Variants in EPHA6 observed in about 807,000 individuals in gnomAD.
The protein encoded by EPHA6 is ephrin type-A receptor 6.
In EPHA6, 50 loss-of-function variants were observed where a neutral mutation model predicts 112.0. The ratio of observed to expected loss-of-function variants is 0.45; its 90% confidence interval spans 0.36 to 0.56. EPHA6 has a LOEUF of 0.56. Among genes scored for constraint, EPHA6 ranks in the 20% least tolerant of loss-of-function variants. The probability of loss-of-function intolerance (pLI) is 0.00; values close to 1 mark genes in which losing one functional copy is unlikely to be tolerated. For synonymous variants in EPHA6, 529 were observed against 490.7 expected (o/e 1.08, Z -1.03); for missense variants, 1,280 against 1,417.4 (o/e 0.90, Z 1.56).
In EPHA6 at chr3:97,494,479, T is replaced by C. The variant is rs2091927467; in HGVS notation, c.2200+10420T>C. ...AATTTTGAGAACAAGAACTAGCCAA[T>C]TTACCTTCGTGAGCTGTAATTTCCC... On this transcript the variant is annotated intron_variant, in intron 10 of 17. Coordinates refer to ENST00000389672, the MANE Select transcript of EPHA6 (RefSeq NM_001080448.3). Among the ~76,000 whole-genome samples the C allele has an allele frequency of 2.0e-5, 3 of 152,282 alleles. No individual in the cohort carries two copies. The South Asian group carries it at 6.2e-4, about 32-fold the overall frequency.
intron 13 of EPHA6, among the ~76,000 whole-genome samples, chr3:97,631,989 T>C (rs1157648528): frequency 6.6e-6 from 1 of 151,996 alleles, no homozygotes; most frequent in African/African-American, 2.4e-5. Context: ...ATAGCAGATA[T>C]CTATATAAGA....
At chr3:97,232,592 C>T (rs1450927551) in intron 4 of EPHA6, among the ~76,000 whole-genome samples, 2 of 152,156 alleles carry the variant, frequency 1.3e-5, no homozygotes, top group African/African-American at 4.8e-5. Flanking sequence ...TGATTCCTAC[C>T]TCCTCATAGG....
intron 3 of EPHA6, among the ~76,000 whole-genome samples, chr3:97,204,757 A>T (rs764963052): frequency 6.6e-6 from 1 of 152,156 alleles, no homozygotes; most frequent in Non-Finnish European, 1.5e-5. Context: ...TTATGCATTC[A>T]GCAGAGTTGA....
intron 2 of EPHA6, among the ~76,000 whole-genome samples, chr3:96,985,723 A>G (rs1454370458): frequency 6.6e-6 from 1 of 152,190 alleles, no homozygotes; most frequent in African/African-American, 2.4e-5. Context: ...TTGGATAAAG[A>G]TTGTGTTAAG....
intron 10 of EPHA6, among the ~76,000 whole-genome samples, chr3:97,522,134 C>A (rs2092553541): frequency 6.6e-6 from 1 of 151,694 alleles, no homozygotes; most frequent in South Asian, 2.1e-4. Context: ...CTGGTCTCCA[C>A]ATCCTTTCCT....
At chr3:97,016,281 C>T (rs2044263839) in intron 3 of EPHA6, among the ~76,000 whole-genome samples, 1 of 152,080 alleles carries the variant, frequency 6.6e-6, no homozygotes, top group Non-Finnish European at 1.5e-5. Context: ...ATCAACACTT[C>T]TGAATTTGAA....
intron 5 of EPHA6, among the ~76,000 whole-genome samples, chr3:97,309,543 CAG>C (rs1484933244): frequency 6.6e-5 from 10 of 151,396 alleles, no homozygotes; most frequent in African/African-American, 1.9e-4. Context: ...ATTTTTATAA[CAG>C]AAATCAAATA....
chr3:97,733,805 C>A (rs1295267650), intron 15 of EPHA6, among the ~76,000 whole-genome samples: 1 of 151,870 alleles, frequency 6.6e-6, no homozygotes, highest in African/African-American at 2.4e-5. Context: ...AACTTAGGAT[C>A]CAAGTAAAAA....
chr3:97,330,801 A>C (rs1414756226), intron 5 of EPHA6, among the ~76,000 whole-genome samples: 1 of 152,134 alleles, frequency 6.6e-6, no homozygotes, highest in Non-Finnish European at 1.5e-5. Flanking sequence ...ATAATGGGAG[A>C]CTTTAACACC....
At position 96,994,759 on chromosome 3, in the gene EPHA6, A is replaced by AGAGAGAGAGAGAGAGAGAGAGAGCGAGC. The variant is rs763682996; in HGVS notation, c.1114+6769_1114+6770insAGAGAGAGAGAGAGAGAGAGCGAGCGAG. Among the ~76,000 whole-genome samples the AGAGAGAGAGAGAGAGAGAGAGAGCGAGC allele has an allele frequency of 4.9e-4, 57 of 116,214 alleles. 3 individuals are homozygous for AGAGAGAGAGAGAGAGAGAGAGAGCGAGC. The highest frequency in any genetic ancestry group is 2.0e-3 in the African/African-American group (55 of 28,168). 76.2% of individuals were successfully genotyped at this position (116,214 alleles called of 152,430 possible). A position where few individuals can be genotyped will look rare whatever the true frequency, so the allele number is the denominator to read the frequency against. ...GAGAGAGAGAGAGAGAGAGAGAGAGAGAGCTATATATATACCTACAGGCTG... is the reference window on the plus strand; with the variant it reads ...GAGAGAGAGAGAGAGAGAGAGAGAGAGAGAGAGAGAGAGAGAGAGAGAGCGAGCGAGCTATATATATACCTACAGGCTG... On this transcript the variant is annotated intron_variant, in intron 3 of 17. Coordinates refer to ENST00000389672, the MANE Select transcript of EPHA6 (RefSeq NM_001080448.3).
rs186474873 is a variant in EPHA6 at position 97,610,709 on chromosome 3, G to A, written c.2513-84G>A. On this transcript the variant is annotated intron_variant, in intron 12 of 17. Transcript: ENST00000389672. Reference sequence around the variant, plus strand: ...CTATTAATAAAATACAAATAATTTAGTTGCCACAGCTGGGTATCTCTTAAC... The same window carrying A: ...CTATTAATAAAATACAAATAATTTAATTGCCACAGCTGGGTATCTCTTAAC... 4.5e-4 allele frequency: 460 copies of A among 1,032,306 alleles called. 4 individuals carry two copies. The African/African-American group carries it at 7.0e-3, about 16-fold the overall frequency. The allele number at this position is 1,032,306 out of a possible 1,614,324, so 63.9% of individuals were successfully genotyped here.
intron 5 of EPHA6, among the ~76,000 whole-genome samples, chr3:97,318,886 C>T (rs947291909): frequency 6.6e-6 from 1 of 151,680 alleles, no homozygotes; most frequent in Non-Finnish European, 1.5e-5. Context: ...GAGATTCCTT[C>T]TATTTATTGT....
rs192783074 is a variant in EPHA6, at chr3:97,296,145, T to G, written c.1606+51858T>G. The stretch of plus-strand genomic sequence containing the variant: ...AAACTTTGGGCTCCCTAGTGACTCA[T>G]ACTGTTATTAATGGTGTTTGCAGTG... On this transcript the variant is annotated intron_variant, in intron 5 of 17. Transcript: ENST00000389672. Among the ~76,000 whole-genome samples, 523 of 152,148 alleles carry G rather than the reference T, an allele frequency of 3.4e-3. 2 individuals are homozygous for G. The highest frequency in any genetic ancestry group is 4.8e-3 in the South Asian group (23 of 4,802).
chr3:97,552,835 CTT>C (rs1204588657), intron 11 of EPHA6, among the ~76,000 whole-genome samples: 2 of 152,060 alleles, frequency 1.3e-5, no homozygotes, highest in African/African-American at 4.8e-5. Flanking sequence ...AAAGTAATAA[CTT>C]ATTAGTTTTT....
chr3:97,252,672 C>T (rs1330061515), intron 5 of EPHA6, among the ~76,000 whole-genome samples: 2 of 152,126 alleles, frequency 1.3e-5, no homozygotes, highest in Non-Finnish European at 1.5e-5. Flanking sequence ...CCAGGGAGAA[C>T]GCATCCTGTG....
chr3:97,336,823 A>C (rs1424963039), intron 5 of EPHA6, among the ~76,000 whole-genome samples: 4 of 152,002 alleles, frequency 2.6e-5, no homozygotes, highest in Admixed American at 6.6e-5. Context: ...TTAATGCAGA[A>C]AAGAATCATG....
intron 5 of EPHA6, among the ~76,000 whole-genome samples, chr3:97,386,579 G>A (rs2086081565): frequency 1.3e-5 from 2 of 152,172 alleles, no homozygotes; most frequent in African/African-American, 2.4e-5. Flanking sequence ...GCAAGGTACA[G>A]CCCCCTTCCT....
intron 10 of EPHA6, among the ~76,000 whole-genome samples, chr3:97,530,964 G>A (rs954545791): frequency 7.9e-5 from 12 of 152,090 alleles, no homozygotes; most frequent in East Asian, 1.9e-4. Flanking sequence ...AATCTAATTC[G>A]ATATTCTATG....
intron 5 of EPHA6, among the ~76,000 whole-genome samples, chr3:97,396,870 A>G (rs1430158372): frequency 4.6e-5 from 7 of 151,822 alleles, no homozygotes; most frequent in Non-Finnish European, 1.0e-4. Context: ...CTATCTCCAC[A>G]TAAGCATAAG....
Sources: gnomAD v4.1 joint callset for allele counts (sites outside exome capture counted in the v4.1 genomes callset) on GRCh38, gnomAD v4.1.1 for gene constraint, MANE v1.5 for transcripts, NCBI Gene and HGNC (gene_info 2026-07-23, HGNC 2026-07-21) for gene names.